EVI5L: variants seen among roughly 807,000 people sequenced by gnomAD.
The protein encoded by EVI5L is EVI5-like protein.
EVI5L carries 30 observed loss-of-function variants against 106.1 expected under a neutral mutation model. The observed-to-expected ratio is 0.28, with a 90% CI of 0.21 to 0.38. EVI5L has a LOEUF of 0.38. Among genes scored for constraint, EVI5L ranks in the 10% least tolerant of loss-of-function variants. The pLI is 1.00. For synonymous variants in EVI5L, 489 were observed against 483.3 expected (o/e 1.01, Z -0.15); for missense variants, 809 against 1,098.0 (o/e 0.74, Z 3.72).
In EVI5L at chr19:7,849,318, G is replaced by A. The variant is rs577205458; in HGVS notation, c.615G>A (p.Leu205=). 1.2e-6 allele frequency: 2 copies of A among 1,614,092 alleles called. No individual in the cohort carries two copies. Among genetic ancestry groups the A allele is most frequent in the South Asian group, 1.1e-5 (1 of 91,086 alleles). ...AGGGAAGCGCCTTCATCGTGGGCCT[G>A]CTCCTCATGCAGGTAGGTGGCTGGG... ...YCQGSAFIVG[L]LLMQMPEEEA... is the part of the protein sequence containing the mutation. Residue 205 remains leucine, a synonymous_variant, in exon 5 of 20, where the codon CTG becomes CTA. Coordinates refer to ENST00000538904, the MANE Select transcript of EVI5L (RefSeq NM_001159944.3).
In EVI5L at chr19:7,858,576, C is replaced by T. The variant is rs1325740886; in HGVS notation, c.1374+245C>T. On this transcript the variant is annotated intron_variant, in intron 13 of 19. Coordinates refer to ENST00000538904, the MANE Select transcript of EVI5L (RefSeq NM_001159944.3). This position sits in a 1 kb window ranked among gnomAD's most constrained non-coding sequence, Gnocchi z 5.7. ...GTCTGCAGTATCTGACTTCCCAACCCCCAGCCTCAGCACGGAGGCCTCTGA... is the reference window on the plus strand; with the variant it reads ...GTCTGCAGTATCTGACTTCCCAACCTCCAGCCTCAGCACGGAGGCCTCTGA... The T allele has an allele frequency of 3.0e-5, 17 of 561,570 alleles. No individual in the cohort carries two copies. In the East Asian group the frequency reaches 5.5e-4, roughly 18 times the overall value. 34.8% of individuals were successfully genotyped at this position (561,570 alleles called of 1,614,324 possible).
rs993720229 is a variant in EVI5L at position 7,857,364 on chromosome 19, A to G, written c.1233+240A>G. The G allele has an allele frequency of 4.3e-4, 260 of 609,066 alleles. 3 individuals carry two copies. Among genetic ancestry groups the G allele is most frequent in the Non-Finnish European group, 1.2e-4 (40 of 343,452 alleles). 37.7% of individuals were successfully genotyped at this position (609,066 alleles called of 1,614,324 possible). On this transcript the variant is annotated intron_variant, in intron 12 of 19. Transcript: ENST00000538904. The surrounding 1 kb of genome is among the most constrained non-coding windows in gnomAD (Gnocchi z 4.5). ...AGTGCGTTTGGGTGTGAATGTCCAC[A>G]TGCATGTACAGAAAGCTTCCTCCGG...
chr19:7,860,264 T>C (rs899851293), intron 13 of EVI5L, among the ~76,000 whole-genome samples: 1 of 152,048 alleles, frequency 6.6e-6, no homozygotes, highest in Non-Finnish European at 1.5e-5. Context: ...CCCTCACCAG[T>C]GATCCCGGAA....
intron 10 of EVI5L, chr19:7,853,548 A>C (rs1257985526): frequency 2.5e-5 from 16 of 635,998 alleles, no homozygotes; most frequent in Non-Finnish European, 4.1e-5. Context: ...TAACCAAGAC[A>C]GTCAAGGTCC....
At chr19:7,849,365 A>C (rs1368264086) in intron 5 of EVI5L, 35 bp downstream of exon 5, 21 of 1,609,374 alleles carry the variant, frequency 1.3e-5, no homozygotes, top group Admixed American at 3.3e-5. Context: ...CTCCTGCCAG[A>C]CAACAGCCCA....
Position 7,835,778 on chromosome 19 carries a change from G to A in EVI5L, c.-48+5397G>A, listed in dbSNP as rs551561004. Among the ~76,000 whole-genome samples, 1 of 152,208 alleles carries A rather than the reference G, an allele frequency of 6.6e-6. No individual in the cohort carries two copies. The highest frequency in any genetic ancestry group is 1.5e-5 in the Non-Finnish European group (1 of 68,042). On this transcript the variant is annotated intron_variant, in intron 1 of 19. Coordinates refer to ENST00000538904, the MANE Select transcript of EVI5L (RefSeq NM_001159944.3). The surrounding 1 kb of genome is among the most constrained non-coding windows in gnomAD (Gnocchi z 4.1). Reference sequence around the variant, plus strand: ...TGTCCGCCCACACCTTGCCAAGGACGAGAGGACCTAAGGTGCTAGGTTGGG... The same window carrying A: ...TGTCCGCCCACACCTTGCCAAGGACAAGAGGACCTAAGGTGCTAGGTTGGG...
At chr19:7,839,749 C>A (rs1322529491) in intron 1 of EVI5L, among the ~76,000 whole-genome samples, 1 of 95,764 alleles carries the variant, frequency 1.0e-5, no homozygotes, top group Non-Finnish European at 2.3e-5. Context: ...CATAGTGAGA[C>A]CCCAAGTCTC....
intron 10 of EVI5L, among the ~76,000 whole-genome samples, chr19:7,855,160 A>G (rs946445208): frequency 7.4e-6 from 1 of 135,690 alleles, no homozygotes; most frequent in Non-Finnish European, 1.5e-5. Context: ...TCTGTCACCC[A>G]GGCTGCAGTG....
chr19:7,855,068 G>C (rs1979453851), intron 10 of EVI5L, among the ~76,000 whole-genome samples: 1 of 151,496 alleles, frequency 6.6e-6, no homozygotes, highest in Non-Finnish European at 1.5e-5. Flanking sequence ...AACCTCACCT[G>C]CTCCCCAGAG....
chr19:7,839,304 C>T (rs1474967194), intron 1 of EVI5L, among the ~76,000 whole-genome samples: 1 of 147,590 alleles, frequency 6.8e-6, no homozygotes, highest in Non-Finnish European at 1.5e-5. Flanking sequence ...CTCCATCCAT[C>T]TAAAAAAAAA....
In EVI5L at chr19:7,856,387, T is replaced by G. The variant is rs182930074; in HGVS notation, c.1200+319T>G. ...GTGAGGAGGAGGGAGAACTGCCACT[T>G]TGATGGACGAGCCCCGTAATTGGGC... is the stretch of plus-strand genomic sequence containing the variant. On this transcript the variant is annotated intron_variant, in intron 11 of 19. Transcript: ENST00000538904. The surrounding 1 kb of genome is among the most constrained non-coding windows in gnomAD (Gnocchi z 6.6). 2.5e-4 allele frequency among the ~76,000 whole-genome samples: 38 copies of G among 152,166 alleles called. No individual in the cohort carries two copies. The highest frequency in any genetic ancestry group is 3.4e-3 in the Middle Eastern group (1 of 294).
At chr19:7,847,023 G>A (rs1338823082) in intron 2 of EVI5L, among the ~76,000 whole-genome samples, 1 of 152,180 alleles carries the variant, frequency 6.6e-6, no homozygotes, top group Admixed American at 6.5e-5. Context: ...TAGGCTGGAC[G>A]TGGTGGCTCA....
chr19:7,848,724 G>A lies in EVI5L; in HGVS notation c.328-197G>A, dbSNP rs1047165960. On this transcript the variant is annotated intron_variant, in intron 3 of 19. Transcript: ENST00000538904. This position sits in a 1 kb window ranked among gnomAD's most constrained non-coding sequence, Gnocchi z 4.8. Reference sequence around the variant, plus strand: ...TTCAAGGCTGCAGGGAGCTATGATCGCACCACTGCACTCCAGCCTGGGTGA... The same window carrying A: ...TTCAAGGCTGCAGGGAGCTATGATCACACCACTGCACTCCAGCCTGGGTGA... 6.6e-6 allele frequency among the ~76,000 whole-genome samples: 1 copy of A among 152,084 alleles called. No homozygotes were observed. The highest frequency in any genetic ancestry group is 2.4e-5 in the African/African-American group (1 of 41,398).
chr19:7,849,959 C>T (rs1023130481), intron 5 of EVI5L, 38 bp from the exon 6 acceptor site: 25 of 1,550,350 alleles, frequency 1.6e-5, no homozygotes, highest in African/African-American at 6.8e-5. Flanking sequence ...CTCCCCGCTG[C>T]GCTGCCCTGA....
At position 7,858,098 on chromosome 19, in the gene EVI5L, C is replaced by A; in HGVS notation, c.1234-93C>A. 1 of 1,468,250 alleles carries A rather than the reference C, an allele frequency of 6.8e-7. No individual in the cohort carries two copies. Among genetic ancestry groups the A allele is most frequent in the Non-Finnish European group, 9.1e-7 (1 of 1,096,206 alleles). The allele number at this position is 1,468,250 out of a possible 1,614,324, so 91.0% of individuals were successfully genotyped here. A position where few individuals can be genotyped will look rare whatever the true frequency, so the allele number is the denominator to read the frequency against. Reference sequence around the variant, plus strand: ...CCCACCTCACTTCCCCCCACCTCCACTCTCTGGGCCTCCCCCTGTGGCGGG... The same window carrying A: ...CCCACCTCACTTCCCCCCACCTCCAATCTCTGGGCCTCCCCCTGTGGCGGG... On this transcript the variant is annotated intron_variant, in intron 12 of 19. Transcript: ENST00000538904. This position sits in a 1 kb window ranked among gnomAD's most constrained non-coding sequence, Gnocchi z 5.7.
chr19:7,834,951 C>T (rs1334912211), intron 1 of EVI5L, among the ~76,000 whole-genome samples: 1 of 151,894 alleles, frequency 6.6e-6, no homozygotes, highest in Non-Finnish European at 1.5e-5. Context: ...CATAGTGAGA[C>T]TCTCTCTCTG....
chr19:7,856,866 T>TC lies in EVI5L; in HGVS notation c.1201-222dup, dbSNP rs1979551991. 1 of 695,392 alleles carries TC rather than the reference T, an allele frequency of 1.4e-6. No homozygotes were observed. The highest frequency in any genetic ancestry group is 1.8e-5 in the African/African-American group (1 of 56,966). 43.1% of individuals were successfully genotyped at this position (695,392 alleles called of 1,614,324 possible). A position where few individuals can be genotyped will look rare whatever the true frequency, so the allele number is the denominator to read the frequency against. ...CCCACAGCCGCGGGCACCCCCGACC[T>TC]CCCCGCTCACACCGAACCCCTCTCC... is the stretch of plus-strand genomic sequence containing the variant. On this transcript the variant is annotated intron_variant, in intron 11 of 19. Transcript: ENST00000538904. This position sits in a 1 kb window ranked among gnomAD's most constrained non-coding sequence, Gnocchi z 6.6.
chr19:7,846,919 C>T lies in EVI5L; in HGVS notation c.137+240C>T, dbSNP rs374047084. Among the ~76,000 whole-genome samples the T allele has an allele frequency of 2.6e-5, 4 of 152,304 alleles. 1 individual carries two copies. Among genetic ancestry groups the T allele is most frequent in the African/African-American group, 9.6e-5 (4 of 41,562 alleles). On this transcript the variant is annotated intron_variant, in intron 2 of 19. Transcript: ENST00000538904. ...GAGAGGTCAAGTGAATCTGTGAATCCGCCGCGGTTAATGGAGCCAGGACTG... is the reference window on the plus strand; with the variant it reads ...GAGAGGTCAAGTGAATCTGTGAATCTGCCGCGGTTAATGGAGCCAGGACTG...
In EVI5L at chr19:7,863,861, G is replaced by T. The variant is rs1979988958; in HGVS notation, c.*159G>T. On this transcript the variant is annotated 3_prime_UTR_variant, in exon 20 of 20. Coordinates refer to ENST00000538904, the MANE Select transcript of EVI5L (RefSeq NM_001159944.3). The surrounding 1 kb of genome is among the most constrained non-coding windows in gnomAD (Gnocchi z 7.7). ...CCCGGCGAGGCAGCGCAGAGGGTAGGGTCCGACCTGGGCTCCTCAGGGCCC... is the reference window on the plus strand; with the variant it reads ...CCCGGCGAGGCAGCGCAGAGGGTAGTGTCCGACCTGGGCTCCTCAGGGCCC... The T allele has an allele frequency of 2.9e-6, 3 of 1,043,278 alleles. No individual in the cohort carries two copies. The highest frequency in any genetic ancestry group is 1.7e-5 in the African/African-American group (1 of 58,944). 64.6% of individuals were successfully genotyped at this position (1,043,278 alleles called of 1,614,324 possible).
Sources: allele counts gnomAD v4.1 joint callset (sites outside exome capture counted in the v4.1 genomes callset), GRCh38; gene constraint gnomAD v4.1.1; non-coding constraint Gnocchi (gnomAD v3.1); transcripts MANE v1.5; gene names NCBI Gene and HGNC (gene_info 2026-07-23, HGNC 2026-07-21).